Variants in DMXL1 observed in about 807,000 individuals in gnomAD.
DMXL1 encodes the protein dmX-like protein 1.
Under a neutral mutation model 319.2 loss-of-function variants are expected in DMXL1, and 99 were observed. That is an observed-to-expected ratio of 0.31 (90% confidence interval 0.26 to 0.37). The LOEUF (loss-of-function observed/expected upper bound fraction) is 0.37. DMXL1 is among the 10% of genes least tolerant of loss of function. The pLI is 1.00. For missense variants in DMXL1, 3,745 were observed against 3,595.6 expected, an observed-to-expected ratio of 1.04 and a Z score of -1.06; for synonymous variants, 1,385 against 1,235.2, an observed-to-expected ratio of 1.12 and a Z score of -2.54.
At chr5:119,202,905 A>ATATT (rs1293981586) in intron 32 of DMXL1, among the ~76,000 whole-genome samples, 2 of 142,174 alleles carry the variant, frequency 1.4e-5, no homozygotes, top group African/African-American at 2.6e-5. Flanking sequence ...ATATATATAT[A>ATATT]TTTATATATT....
intron 33 of DMXL1, 76 bp from the exon 34 acceptor site, chr5:119,206,758 T>C (rs1199042009): frequency 3.4e-6 from 3 of 884,918 alleles, no homozygotes; most frequent in Non-Finnish European, 5.1e-6. Context: ...AATATAGCAT[T>C]GAAACAATCC....
intron 10 of DMXL1, among the ~76,000 whole-genome samples, chr5:119,130,630 A>G (rs1764661561): frequency 6.6e-6 from 1 of 152,224 alleles, no homozygotes; most frequent in South Asian, 2.1e-4. Context: ...GGCGTGAGAC[A>G]CCATGCTCGG....
chr5:119,093,351 G>A (rs892043156), intron 1 of DMXL1, among the ~76,000 whole-genome samples: 1 of 152,150 alleles, frequency 6.6e-6, no homozygotes, highest in South Asian at 2.1e-4. Context: ...GGCCAGGCTG[G>A]TCTTGAACTC....
chr5:119,140,280 A>G, intron 13 of DMXL1, among the ~76,000 whole-genome samples: 1 of 152,222 alleles, frequency 6.6e-6, no homozygotes, highest in South Asian at 2.1e-4. Flanking sequence ...TCAGAGATGA[A>G]CTGAAGGAAA....
At chr5:119,147,192 G>A (rs977147172) in intron 16 of DMXL1, 57 bp from the exon 17 acceptor site, 43 of 1,425,896 alleles carry the variant, frequency 3.0e-5, no homozygotes, top group Non-Finnish European at 3.9e-5. Context: ...TGTAACAATC[G>A]TAATATTTAT....
Position 119,221,028 on chromosome 5 carries a change from C to G in DMXL1, c.8224C>G (p.Pro2742Ala). The G allele has an allele frequency of 6.2e-7, 1 of 1,613,778 alleles. No homozygotes were observed. Among genetic ancestry groups the G allele is most frequent in the Non-Finnish European group, 8.5e-7 (1 of 1,179,814 alleles). ...TPYTHSNPGT[P>A]INMPWLGSTQ... ...ATATACACATAGCAATCCTGGCACT[C>G]CAATCAACATGCCATGGCTTGGTAG... Residue 2742 changes from proline (P) to alanine (A), a missense_variant, in exon 37 of 44, where the codon CCA (proline) becomes GCA (alanine). Around this residue, in one of 4 missense-constraint regions of DMXL1, gnomAD observed 1,382 missense variants for 1,269.5 expected, o/e 1.09. Coordinates refer to ENST00000539542, the MANE Select transcript of DMXL1 (RefSeq NM_001290321.3).
intron 1 of DMXL1, among the ~76,000 whole-genome samples, chr5:119,090,539 T>G (rs1754527616): frequency 6.6e-6 from 1 of 151,476 alleles, no homozygotes; most frequent in African/African-American, 2.4e-5. Context: ...TTACTTTTCT[T>G]TTTTGTTTTT....
intron 2 of DMXL1, chr5:119,100,672 G>A (rs1757044826): frequency 6.6e-6 from 1 of 150,434 alleles, no homozygotes; most frequent in South Asian, 2.1e-4. Context: ...TTAGTCTCAG[G>A]TACACTATTG....
At chr5:119,109,531 T>C (rs1038841894) in intron 4 of DMXL1, among the ~76,000 whole-genome samples, 37 of 152,352 alleles carry the variant, frequency 2.4e-4, no homozygotes, top group African/African-American at 8.2e-4. Context: ...TGGCATTTTT[T>C]CCGTAGTAAT....
chr5:119,099,906 C>T (rs1353282151), intron 2 of DMXL1, among the ~76,000 whole-genome samples: 1 of 152,054 alleles, frequency 6.6e-6, no homozygotes, highest in African/African-American at 2.4e-5. Context: ...GAAGCTGAGG[C>T]GGGAGAATCA....
chr5:119,168,833 A>G (rs1348150122), intron 23 of DMXL1, among the ~76,000 whole-genome samples: 3 of 151,924 alleles, frequency 2.0e-5, no homozygotes, highest in African/African-American at 7.3e-5. Flanking sequence ...AATTACAGGC[A>G]TGAGCTACTG....
chr5:119,235,377 G>A (rs1471102916), intron 39 of DMXL1, among the ~76,000 whole-genome samples: 3 of 152,042 alleles, frequency 2.0e-5, no homozygotes, highest in Non-Finnish European at 2.9e-5. Context: ...TTAAAAATAC[G>A]ATTCCCAAAA....
intron 35 of DMXL1, among the ~76,000 whole-genome samples, chr5:119,219,675 G>A (rs1411355760): frequency 1.3e-5 from 2 of 151,842 alleles, no homozygotes; most frequent in Non-Finnish European, 2.9e-5. Context: ...TCAAGCAATC[G>A]TTTCACCTCA....
At chr5:119,222,655 A>G (rs1015649597) in intron 37 of DMXL1, among the ~76,000 whole-genome samples, 1 of 152,166 alleles carries the variant, frequency 6.6e-6, no homozygotes, top group African/African-American at 2.4e-5. Flanking sequence ...TTTCTAAAAC[A>G]TCATTCAGGT....
chr5:119,210,697 C>T (rs1782607238), intron 34 of DMXL1, among the ~76,000 whole-genome samples: 1 of 147,980 alleles, frequency 6.8e-6, no homozygotes, highest in Non-Finnish European at 1.5e-5. Flanking sequence ...ATCATGAAGT[C>T]ATGTATTGTA....
chr5:119,098,895 G>A (rs1045923752), intron 2 of DMXL1, among the ~76,000 whole-genome samples: 4 of 152,174 alleles, frequency 2.6e-5, no homozygotes, highest in African/African-American at 9.7e-5. Flanking sequence ...GTCATATTAA[G>A]AGTCCATGGA....
Position 119,097,834 on chromosome 5 carries a change from A to G in DMXL1, c.88-145A>G, listed in dbSNP as rs58564082. ...AGGTAAGGGAAATAGTGCCAAATGTAGATTTTTTTTTTAAGAAAACACCTA... is the reference window on the plus strand; with the variant it reads ...AGGTAAGGGAAATAGTGCCAAATGTGGATTTTTTTTTTAAGAAAACACCTA... On this transcript the variant is annotated intron_variant, in intron 1 of 43. Transcript: ENST00000539542. The G allele has an allele frequency of 5.4e-4, 401 of 736,826 alleles. 1 individual carries two copies. In the African/African-American group the frequency reaches 6.4e-3, roughly 12 times the overall value. The allele number at this position is 736,826 out of a possible 1,614,324, so 45.6% of individuals were successfully genotyped here. A position where few individuals can be genotyped will look rare whatever the true frequency, so the allele number is the denominator to read the frequency against.
intron 2 of DMXL1, among the ~76,000 whole-genome samples, chr5:119,098,449 ATTT>A (rs142373739): frequency 1.1e-4 from 16 of 148,280 alleles, no homozygotes; most frequent in African/African-American, 3.5e-4. Flanking sequence ...GATTTAGAAT[ATTT>A]TTTTTTTTTT....
intron 4 of DMXL1, among the ~76,000 whole-genome samples, chr5:119,108,683 G>A (rs1758889501): frequency 6.6e-6 from 1 of 152,180 alleles, no homozygotes; most frequent in South Asian, 2.1e-4. Context: ...GCCTCCCAAA[G>A]TGGTGGGATT....
Sources: allele counts gnomAD v4.1 joint callset (sites outside exome capture counted in the v4.1 genomes callset), GRCh38; gene constraint gnomAD v4.1.1; regional missense constraint gnomAD v4.1.1; transcripts MANE v1.5; gene names NCBI Gene and HGNC (gene_info 2026-07-23, HGNC 2026-07-21).